Variants in KATNB1 observed in about 807,000 individuals in gnomAD.
The protein encoded by KATNB1 is katanin p80 WD40 repeat-containing subunit B1.
In KATNB1, 38 loss-of-function variants were observed where a neutral mutation model predicts 82.3. The ratio of observed to expected loss-of-function variants is 0.46; its 90% CI spans 0.36 to 0.61. The LOEUF (loss-of-function observed/expected upper bound fraction) is 0.61, where lower values mean the gene tolerates loss of function less well. Ranked by LOEUF, KATNB1 falls within the 20% of genes least tolerant of loss-of-function variation. The pLI, the probability that KATNB1 is intolerant of heterozygous loss-of-function variation, is 0.00. For synonymous variants in KATNB1, 361 were observed against 368.7 expected (o/e 0.98, Z 0.24); for missense variants, 749 against 915.7 (o/e 0.82, Z 2.35).
chr16:57,741,969 T>A (rs1291838707), intron 3 of KATNB1, 152 bp downstream of exon 3: 1 of 896,514 alleles, frequency 1.1e-6, no homozygotes, highest in African/African-American at 1.7e-5. Flanking sequence ...GGAGGGGGCG[T>A]GGTGGGGACA....
At position 57,749,321 on chromosome 16, in the gene KATNB1, C is replaced by T. The variant is rs556104042; in HGVS notation, c.290-1506C>T. On this transcript the variant is annotated intron_variant, in intron 4 of 19. Coordinates refer to ENST00000379661, the MANE Select transcript of KATNB1 (RefSeq NM_005886.3). ...TGTGACCCAACATGAGGCCCAAAGA[C>T]AGTAAGTGATTGGCCAGGGTCACAC... Among the ~76,000 whole-genome samples, 6 of 152,354 alleles carry T rather than the reference C, an allele frequency of 3.9e-5. No homozygotes were observed. The South Asian group carries it at 1.0e-3, about 26-fold the overall frequency.
intron 2 of KATNB1, 68 bp from the exon 3 acceptor site, chr16:57,741,619 G>A: frequency 1.3e-6 from 2 of 1,540,728 alleles, no homozygotes; most frequent in Non-Finnish European, 1.8e-6. Flanking sequence ...AGCCGAGCAG[G>A]GTCACCCCTC....
intron 16 of KATNB1, 24 bp from the exon 17 acceptor site, chr16:57,755,817 C>T: frequency 3.8e-6 from 6 of 1,567,428 alleles, no homozygotes; most frequent in Non-Finnish European, 5.2e-6. Context: ...CTGCCCCACC[C>T]CTGACGGTGC....
intron 15 of KATNB1, 34 bp downstream of exon 15, chr16:57,755,272 G>A (rs200664745): frequency 1.6e-5 from 26 of 1,610,408 alleles, no homozygotes; most frequent in Middle Eastern, 1.6e-4. Context: ...CATGGGTGGA[G>A]GTCTGTGGGT....
chr16:57,756,516 T>C (rs782376906), intron 19 of KATNB1, 44 bp downstream of exon 19: 2 of 1,533,864 alleles, frequency 1.3e-6, no homozygotes, highest in Non-Finnish European at 1.8e-6. Flanking sequence ...CCACAACAGG[T>C]GAGGGGACAA....
intron 3 of KATNB1, among the ~76,000 whole-genome samples, chr16:57,742,956 C>T (rs2049153405): frequency 6.6e-6 from 1 of 152,236 alleles, no homozygotes; most frequent in Non-Finnish European, 1.5e-5. Context: ...CATCCCTTGC[C>T]AACCAGGGAG....
intron 1 of KATNB1, among the ~76,000 whole-genome samples, chr16:57,736,585 C>G (rs2049101551): frequency 6.6e-6 from 1 of 152,098 alleles, no homozygotes; most frequent in African/African-American, 2.4e-5. Context: ...TCTGGGATGC[C>G]TTTCCTAGGC....
intron 4 of KATNB1, among the ~76,000 whole-genome samples, chr16:57,746,424 T>C (rs1490791945): frequency 6.6e-6 from 1 of 152,184 alleles, no homozygotes; most frequent in Non-Finnish European, 1.5e-5. Flanking sequence ...AGTGTTCTGG[T>C]GTGGTGAGCC....
intron 13 of KATNB1, 35 bp downstream of exon 13, chr16:57,754,030 G>C (rs782622835): frequency 6.3e-7 from 1 of 1,575,064 alleles, no homozygotes; most frequent in East Asian, 2.3e-5. Context: ...CAAGGTCTCT[G>C]ATGCCCCCCC....
Position 57,756,986 on chromosome 16 carries a change from C to G in KATNB1, c.*40C>G, listed in dbSNP as rs782221995. 5.4e-6 allele frequency: 8 copies of G among 1,468,730 alleles called. No homozygotes were observed. Among genetic ancestry groups the G allele is most frequent in the Admixed American group, 4.8e-5 (2 of 41,346 alleles). The allele number at this position is 1,468,730 out of a possible 1,614,324, so 91.0% of individuals were successfully genotyped here. A position where few individuals can be genotyped will look rare whatever the true frequency, so the allele number is the denominator to read the frequency against. On this transcript the variant is annotated 3_prime_UTR_variant, in exon 20 of 20. Transcript: ENST00000379661. ...AGGGGCGCTCGGCAGCCCACAGGGCCTGGCCTCAGCCCCCACTCCTGTTCC... is the reference window on the plus strand; with the variant it reads ...AGGGGCGCTCGGCAGCCCACAGGGCGTGGCCTCAGCCCCCACTCCTGTTCC...
At position 57,757,084 on chromosome 16, in the gene KATNB1, TG is replaced by T. The variant is rs1434305027; in HGVS notation, c.*139del. On this transcript the variant is annotated 3_prime_UTR_variant, in exon 20 of 20. Coordinates refer to ENST00000379661, the MANE Select transcript of KATNB1 (RefSeq NM_005886.3). ...CCTGTGGCCGTCCTGGAGGAGGTGA[TG>T]CTGGTCCCTGGCCACCTCTACAGCC... The T allele has an allele frequency of 5.2e-6, 5 of 967,158 alleles. No homozygotes were observed. The highest frequency in any genetic ancestry group is 7.0e-6 in the Non-Finnish European group (5 of 710,646). The allele number at this position is 967,158 out of a possible 1,614,324, so 59.9% of individuals were successfully genotyped here.
In KATNB1 at chr16:57,751,544, G is replaced by A; in HGVS notation, c.433-97G>A. The A allele has an allele frequency of 1.7e-6, 2 of 1,191,526 alleles. No homozygotes were observed. Among genetic ancestry groups the A allele is most frequent in the Admixed American group, 3.4e-5 (2 of 58,946 alleles). 73.8% of individuals were successfully genotyped at this position (1,191,526 alleles called of 1,614,324 possible). On this transcript the variant is annotated intron_variant, in intron 6 of 19. Transcript: ENST00000379661. This position sits in a 1 kb window ranked among gnomAD's most constrained non-coding sequence, Gnocchi z 6.3. Reference sequence around the variant, plus strand: ...AAGCAGAACCAGGCGGGTAACCAGTGTTGTTAGATGGAAGGGGTCCCATAG... The same window carrying A: ...AAGCAGAACCAGGCGGGTAACCAGTATTGTTAGATGGAAGGGGTCCCATAG...
In KATNB1 at chr16:57,753,288, C is replaced by G. The variant is rs782069793; in HGVS notation, c.1046+21C>G. The G allele has an allele frequency of 1.9e-6, 3 of 1,583,914 alleles. No homozygotes were observed. In the Admixed American group the frequency reaches 5.2e-5, roughly 28 times the overall value. ...CAGAGGTGAGGGCCTGGGGGGCCTTCGGGGGCCCAGGAGAGGGACTGTCAC... is the reference window on the plus strand; with the variant it reads ...CAGAGGTGAGGGCCTGGGGGGCCTTGGGGGGCCCAGGAGAGGGACTGTCAC... On this transcript the variant is annotated intron_variant, in intron 11 of 19. Transcript: ENST00000379661.
At chr16:57,741,578 C>T (rs2049142209) in intron 2 of KATNB1, 109 bp from the exon 3 acceptor site, 1 of 1,219,138 alleles carries the variant, frequency 8.2e-7, no homozygotes, top group Non-Finnish European at 1.2e-6. Context: ...GAGGCAGATC[C>T]TTCCACTGGG....
rs781818271 is a variant in KATNB1 at position 57,751,456 on chromosome 16, C to T, written c.432+154C>T. The stretch of plus-strand genomic sequence containing the variant: ...TGGAGCTGAGCAGGAGCGCCATGGG[C>T]GGCCCACCTGGATCCCCTGGCTCTG... On this transcript the variant is annotated intron_variant, in intron 6 of 19. Transcript: ENST00000379661. This position sits in a 1 kb window ranked among gnomAD's most constrained non-coding sequence, Gnocchi z 6.3. Among the ~76,000 whole-genome samples, 21 of 152,278 alleles carry T rather than the reference C, an allele frequency of 1.4e-4. No homozygotes were observed. The highest frequency in any genetic ancestry group is 2.1e-4 in the Non-Finnish European group (14 of 68,034).
At position 57,754,987 on chromosome 16, in the gene KATNB1, C is replaced by T. The variant is rs1273392735; in HGVS notation, c.1286C>T (p.Pro429Leu). 1.2e-5 allele frequency: 19 copies of T among 1,613,938 alleles called. No individual in the cohort carries two copies. Among genetic ancestry groups the T allele is most frequent in the African/African-American group, 5.3e-5 (4 of 74,934 alleles). Residue 429 changes from proline to leucine, a missense_variant, in exon 14 of 20, where the codon CCG (proline) becomes CTG (leucine). Physicochemically the swap from Pro to Leu is moderately conservative, Grantham distance 98. Coordinates refer to ENST00000379661, the MANE Select transcript of KATNB1 (RefSeq NM_005886.3). ...AGCCCTGCCATGGATGTGCAGTTCC[C>T]GGTGCCAAATGTATGTCCATGGAGG... The part of the protein sequence containing the change: ...KPSPAMDVQF[P>L]VPNLEVLPRP...
At chr16:57,755,710 C>T in intron 16 of KATNB1, 131 bp from the exon 17 acceptor site, 2 of 987,326 alleles carry the variant, frequency 2.0e-6, no homozygotes, top group Non-Finnish European at 3.0e-6. Flanking sequence ...ACACTCATTG[C>T]GTTAGGTGCA....
intron 13 of KATNB1, 65 bp downstream of exon 13, chr16:57,754,060 T>G: frequency 7.3e-7 from 1 of 1,378,860 alleles, no homozygotes; most frequent in Non-Finnish European, 1.0e-6. Context: ...CTTCTCTTCC[T>G]GTGAACCCTC....
chr16:57,742,041 ACAGTGG>A (rs1555579856), intron 3 of KATNB1, among the ~76,000 whole-genome samples: 1 of 152,198 alleles, frequency 6.6e-6, no homozygotes, highest in African/African-American at 2.4e-5. Flanking sequence ...CATGGCTGGG[ACAGTGG>A]CCAGCCCTCA....
Sources: allele counts gnomAD v4.1 joint callset (sites outside exome capture counted in the v4.1 genomes callset), GRCh38; gene constraint gnomAD v4.1.1; non-coding constraint Gnocchi (gnomAD v3.1); transcripts MANE v1.5; gene names NCBI Gene and HGNC (gene_info 2026-07-23, HGNC 2026-07-21).